Variants in FGFR4 observed in about 807,000 individuals in gnomAD.
The protein encoded by FGFR4 is fibroblast growth factor receptor 4, also known as hydroxyaryl-protein kinase.
A neutral mutation model predicts 89.9 loss-of-function variants in FGFR4; 63 were observed. That is an observed-to-expected ratio of 0.70 (90% CI 0.57 to 0.86). The LOEUF is 0.86. FGFR4 is among the 40% of genes least tolerant of loss of function. FGFR4 has a pLI of 0.00. For synonymous variants in FGFR4, 486 were observed against 479.4 expected (o/e 1.01, Z -0.18); for missense variants, 928 against 1,106.7 (o/e 0.84, Z 2.29).
Position 177,095,287 on chromosome 5 carries a change from C to A in FGFR4, c.1520-43C>A. 6.6e-7 allele frequency: 1 copy of A among 1,521,096 alleles called. No individual in the cohort carries two copies. Among genetic ancestry groups the A allele is most frequent in the Non-Finnish European group, 9.1e-7 (1 of 1,095,732 alleles). The allele number at this position is 1,521,096 out of a possible 1,614,324, so 94.2% of individuals were successfully genotyped here. On this transcript the variant is annotated intron_variant, in intron 11 of 17. Coordinates refer to ENST00000292408, the MANE Select transcript of FGFR4 (RefSeq NM_213647.3). This position sits in a 1 kb window ranked among gnomAD's most constrained non-coding sequence, Gnocchi z 5.7. Reference sequence around the variant, plus strand: ...ACCTGCCTCTGCATGCTCCCTCGTGCAGTTGGAGGGCAGCCTCTTCACCCC... The same window carrying A: ...ACCTGCCTCTGCATGCTCCCTCGTGAAGTTGGAGGGCAGCCTCTTCACCCC...
At chr5:177,091,221 C>T (rs1012978967) in intron 5 of FGFR4, 117 bp downstream of exon 5, 18 of 1,312,914 alleles carry the variant, frequency 1.4e-5, no homozygotes, top group African/African-American at 4.5e-5. Context: ...TGCGGGGCCC[C>T]GGAAGGAGCC....
intron 16 of FGFR4, 107 bp downstream of exon 16, chr5:177,096,848 CTCCTCG>C: frequency 8.0e-7 from 1 of 1,257,480 alleles, no homozygotes; most frequent in African/African-American, 1.5e-5. Flanking sequence ...CTAACAACAA[CTCCTCG>C]TCCTCCTCCT....
chr5:177,092,932 C>A, intron 8 of FGFR4, 148 bp downstream of exon 8: 1 of 1,385,390 alleles, frequency 7.2e-7, no homozygotes. Flanking sequence ...AGCTGTATGA[C>A]AGCCCCTCTG....
Position 177,095,748 on chromosome 5 carries a change from CCT to C in FGFR4, c.1821+29_1821+30del. The C allele has an allele frequency of 6.5e-7, 1 of 1,549,084 alleles. No individual in the cohort carries two copies. ...GGTACAGGCGCTAGGGCTCTGAGCC[CCT>C]CTCAGTCTCTCCAGCTCCACTCTCA... On this transcript the variant is annotated intron_variant, in intron 13 of 17. Coordinates refer to ENST00000292408, the MANE Select transcript of FGFR4 (RefSeq NM_213647.3). This position sits in a 1 kb window ranked among gnomAD's most constrained non-coding sequence, Gnocchi z 5.7.
In FGFR4 at chr5:177,093,148, C is replaced by T. The variant is rs2149734969; in HGVS notation, c.1068C>T (p.Pro356=). ...CATGTGCGAGGGCAGAGGAGGACCC[C>T]ACATGGACCGCAGCAGCGCCCGAGG... is the stretch of plus-strand genomic sequence containing the variant. ...AWLTVLPEED[P]TWTAAAPEAR... Residue 356 remains proline, a synonymous_variant, in exon 9 of 18, where the codon CCC becomes CCT. Coordinates refer to ENST00000292408, the MANE Select transcript of FGFR4 (RefSeq NM_213647.3). This position sits in a 1 kb window ranked among gnomAD's most constrained non-coding sequence, Gnocchi z 5.8. The T allele has an allele frequency of 6.2e-7, 1 of 1,614,074 alleles. No homozygotes were observed. The highest frequency in any genetic ancestry group is 1.7e-5 in the Admixed American group (1 of 60,016).
rs1784300795 is a variant in FGFR4 at position 177,090,127 on chromosome 5, T to TCC, written c.92-263_92-262insCC. The TCC allele has an allele frequency of 8.1e-6, 5 of 620,120 alleles. No individual in the cohort carries two copies. In the Admixed American group the frequency reaches 1.2e-4, roughly 15 times the overall value. 38.4% of individuals were successfully genotyped at this position (620,120 alleles called of 1,614,324 possible). On this transcript the variant is annotated intron_variant, in intron 2 of 17. Transcript: ENST00000292408. ...GTGTGTGTGTGTCCGTATGTGTGTG[T>TCC]GTGTATGCGTGTGTGTGTGTGTGTG...
chr5:177,090,681 G>C (rs765421192), intron 3 of FGFR4, 28 bp downstream of exon 3: 1 of 1,535,420 alleles, frequency 6.5e-7, no homozygotes, highest in East Asian at 2.3e-5. Flanking sequence ...GGAGTGAAGG[G>C]ATGCCTGGGG....
intron 2 of FGFR4, 90 bp downstream of exon 2, chr5:177,089,783 C>A (rs1287564106): frequency 1.4e-5 from 22 of 1,519,968 alleles, no homozygotes; most frequent in Admixed American, 1.9e-5. Context: ...TGGAAAGGAT[C>A]CTTGCCCAGG....
At chr5:177,089,487 A>G (rs1784272919) in intron 1 of FGFR4, 63 bp from the exon 2 acceptor site, 4 of 1,461,494 alleles carry the variant, frequency 2.7e-6, no homozygotes, top group Non-Finnish European at 3.6e-6. Context: ...TATCTGCAAA[A>G]TAAGGGAAAA....
intron 8 of FGFR4, 139 bp downstream of exon 8, chr5:177,092,923 G>A: frequency 1.4e-6 from 2 of 1,425,414 alleles, no homozygotes; most frequent in African/African-American, 2.8e-5. Flanking sequence ...GTGGGTTTGA[G>A]CTGTATGACA....
chr5:177,087,870 G>A lies in FGFR4; in HGVS notation c.-54+793G>A, dbSNP rs191483961. Among the ~76,000 whole-genome samples the A allele has an allele frequency of 2.0e-5, 3 of 152,200 alleles. No individual in the cohort carries two copies. The highest frequency in any genetic ancestry group is 7.2e-5 in the African/African-American group (3 of 41,514). On this transcript the variant is annotated intron_variant, in intron 1 of 17. Transcript: ENST00000292408. The surrounding 1 kb of genome is among the most constrained non-coding windows in gnomAD (Gnocchi z 6.1). Reference sequence around the variant, plus strand: ...ATGTGCCCAGTTTTGAAAGCCAATGGCTTCAGCGCTCCTGAAGGGGCAGAC... The same window carrying A: ...ATGTGCCCAGTTTTGAAAGCCAATGACTTCAGCGCTCCTGAAGGGGCAGAC...
chr5:177,094,270 C>T (rs962520207), intron 11 of FGFR4, among the ~76,000 whole-genome samples: 1 of 152,144 alleles, frequency 6.6e-6, no homozygotes, highest in Middle Eastern at 3.4e-3. Flanking sequence ...CTCAGTTTTC[C>T]CTTGTGTCAT....
intron 8 of FGFR4, 99 bp downstream of exon 8, chr5:177,092,883 G>T (rs1190973647): frequency 6.4e-7 from 1 of 1,569,864 alleles, no homozygotes; most frequent in Non-Finnish European, 8.7e-7. Context: ...TGGCCTGTGG[G>T]GTCTGGCCTG....
At chr5:177,091,194 C>T (rs999035285) in intron 5 of FGFR4, 90 bp downstream of exon 5, 11 of 1,439,750 alleles carry the variant, frequency 7.6e-6, no homozygotes, top group African/African-American at 2.9e-5. Flanking sequence ...ATAAATCAAT[C>T]GAATGAGTGA....
chr5:177,097,491 G>C (rs1367676485), intron 17 of FGFR4, 36 bp from the exon 18 acceptor site: 1 of 1,605,754 alleles, frequency 6.2e-7, no homozygotes, highest in East Asian at 2.2e-5. Flanking sequence ...TCCCATCCCG[G>C]GCGCTGCAGA....
At position 177,097,774 on chromosome 5, in the gene FGFR4, C is replaced by G. The variant is rs1784664890; in HGVS notation, c.*98C>G. The G allele has an allele frequency of 6.8e-7, 1 of 1,468,378 alleles. No individual in the cohort carries two copies. Among genetic ancestry groups the G allele is most frequent in the Admixed American group, 2.3e-5 (1 of 44,380 alleles). The allele number at this position is 1,468,378 out of a possible 1,614,324, so 91.0% of individuals were successfully genotyped here. Reference sequence around the variant, plus strand: ...GTGCTCGACCTTGATAGCATGGGGCCCCTGGCCCAGAGTTGCTGTGCCGTG... The same window carrying G: ...GTGCTCGACCTTGATAGCATGGGGCGCCTGGCCCAGAGTTGCTGTGCCGTG... On this transcript the variant is annotated 3_prime_UTR_variant, in exon 18 of 18. Coordinates refer to ENST00000292408, the MANE Select transcript of FGFR4 (RefSeq NM_213647.3).
chr5:177,087,732 T>A lies in FGFR4; in HGVS notation c.-54+655T>A. 1.3e-6 allele frequency: 1 copy of A among 762,720 alleles called. No individual in the cohort carries two copies. The highest frequency in any genetic ancestry group is 1.6e-6 in the Non-Finnish European group (1 of 626,746). The allele number at this position is 762,720 out of a possible 1,614,324, so 47.2% of individuals were successfully genotyped here. ...TGCCAAGCCGAGCTTGGTAGGGAGTTTTACCAAGGAGGATCCGACTGGATT... is the reference window on the plus strand; with the variant it reads ...TGCCAAGCCGAGCTTGGTAGGGAGTATTACCAAGGAGGATCCGACTGGATT... On this transcript the variant is annotated intron_variant, in intron 1 of 17. Transcript: ENST00000292408. The surrounding 1 kb of genome is among the most constrained non-coding windows in gnomAD (Gnocchi z 6.1).
In FGFR4 at chr5:177,095,962, G is replaced by A. The variant is rs1784544698; in HGVS notation, c.1822-95G>A. 1 of 1,498,020 alleles carries A rather than the reference G, an allele frequency of 6.7e-7. No individual in the cohort carries two copies. Among genetic ancestry groups the A allele is most frequent in the South Asian group, 1.3e-5 (1 of 76,588 alleles). 92.8% of individuals were successfully genotyped at this position (1,498,020 alleles called of 1,614,324 possible). ...CCTTGACCTCCTCCTCTGTAAAGTGGGTGGAGGGCCCCTGCCCCCGGGCCT... is the reference window on the plus strand; with the variant it reads ...CCTTGACCTCCTCCTCTGTAAAGTGAGTGGAGGGCCCCTGCCCCCGGGCCT... On this transcript the variant is annotated intron_variant, in intron 13 of 17. Coordinates refer to ENST00000292408, the MANE Select transcript of FGFR4 (RefSeq NM_213647.3). This position sits in a 1 kb window ranked among gnomAD's most constrained non-coding sequence, Gnocchi z 5.7.
Sources: allele counts gnomAD v4.1 joint callset (sites outside exome capture counted in the v4.1 genomes callset), GRCh38; gene constraint gnomAD v4.1.1; non-coding constraint Gnocchi (gnomAD v3.1); transcripts MANE v1.5; gene names NCBI Gene and HGNC (gene_info 2026-07-23, HGNC 2026-07-21).